Variants in FSTL5 observed in about 807,000 individuals in gnomAD.
The protein encoded by FSTL5 is follistatin-related protein 5.
Under a neutral mutation model 89.1 loss-of-function variants are expected in FSTL5, and 62 were observed. That is an observed-to-expected ratio of 0.70 (90% confidence interval 0.57 to 0.86). The LOEUF is 0.86. Among genes scored for constraint, FSTL5 ranks in the 40% least tolerant of loss-of-function variants. FSTL5 has a pLI of 0.00. For synonymous variants in FSTL5, 383 were observed against 346.2 expected (o/e 1.11, Z -1.18); for missense variants, 1,057 against 1,001.6 (o/e 1.06, Z -0.75).
chr4:161,492,405 G>T (rs1729911875), intron 12 of FSTL5, among the ~76,000 whole-genome samples: 1 of 152,022 alleles, frequency 6.6e-6, no homozygotes, highest in Admixed American at 6.6e-5. Context: ...TTAAAATATA[G>T]CCAGAAACAT....
chr4:161,793,500 T>A (rs1226696222), intron 4 of FSTL5, among the ~76,000 whole-genome samples: 1 of 152,204 alleles, frequency 6.6e-6, no homozygotes, highest in African/African-American at 2.4e-5. Flanking sequence ...ACTGATATCC[T>A]GGGAAAGTCA....
intron 15 of FSTL5, among the ~76,000 whole-genome samples, chr4:161,407,306 G>A (rs1347443388): frequency 2.0e-5 from 3 of 152,166 alleles, no homozygotes; most frequent in African/African-American, 7.2e-5. Flanking sequence ...ATGCATACAG[G>A]AAGTGCTGCT....
intron 5 of FSTL5, among the ~76,000 whole-genome samples, chr4:161,773,603 C>A (rs1462648251): frequency 6.6e-6 from 1 of 152,114 alleles, no homozygotes; most frequent in Non-Finnish European, 1.5e-5. Flanking sequence ...TGCTCAACAT[C>A]ACTAATGGTC....
chr4:161,788,708 A>G (rs1742005300), intron 4 of FSTL5, among the ~76,000 whole-genome samples: 1 of 152,132 alleles, frequency 6.6e-6, no homozygotes, highest in Admixed American at 6.5e-5. Context: ...CAATAATGTG[A>G]GACCCCGCCC....
chr4:161,834,262 T>A (rs572171362), intron 4 of FSTL5, among the ~76,000 whole-genome samples: 1 of 152,258 alleles, frequency 6.6e-6, no homozygotes, highest in Non-Finnish European at 1.5e-5. Flanking sequence ...ACCTTCATGC[T>A]AAAAACTCTC....
intron 4 of FSTL5, among the ~76,000 whole-genome samples, chr4:161,789,468 C>T (rs1383108173): frequency 1.3e-5 from 2 of 152,046 alleles, no homozygotes; most frequent in African/African-American, 4.8e-5. Flanking sequence ...GATGTGCGAA[C>T]GAATTCTGAT....
chr4:162,112,098 G>C (rs1460684001), intron 1 of FSTL5, among the ~76,000 whole-genome samples: 1 of 152,120 alleles, frequency 6.6e-6, no homozygotes, highest in Admixed American at 6.5e-5. Flanking sequence ...TAAATACTAA[G>C]TCCTTTTCAA....
intron 2 of FSTL5, among the ~76,000 whole-genome samples, chr4:162,047,876 G>T (rs150438832): frequency 6.6e-6 from 1 of 151,872 alleles, no homozygotes; most frequent in Non-Finnish European, 1.5e-5. Flanking sequence ...CTATGAGTTC[G>T]CCATATAGTA....
chr4:161,948,796 T>C (rs995990520), intron 3 of FSTL5, among the ~76,000 whole-genome samples: 23 of 151,964 alleles, frequency 1.5e-4, no homozygotes, highest in Non-Finnish European at 3.2e-4. Context: ...ATAATGTATT[T>C]ATTCTTTAAA....
At chr4:161,661,343 C>T (rs902843465) in intron 6 of FSTL5, among the ~76,000 whole-genome samples, 5 of 152,102 alleles carry the variant, frequency 3.3e-5, no homozygotes, top group African/African-American at 1.2e-4. Context: ...TCATGCCTAT[C>T]ATTTCCATTA....
chr4:161,833,807 C>A (rs1730934106), intron 4 of FSTL5, among the ~76,000 whole-genome samples: 1 of 151,924 alleles, frequency 6.6e-6, no homozygotes, highest in East Asian at 2.0e-4. Context: ...CTGAATACAG[C>A]ACACTGATGG....
intron 3 of FSTL5, among the ~76,000 whole-genome samples, chr4:162,016,709 C>A (rs888504567): frequency 2.0e-5 from 3 of 152,086 alleles, no homozygotes; most frequent in African/African-American, 7.2e-5. Flanking sequence ...ATGTTCCTGG[C>A]ATTTTTGAGC....
At position 161,773,538 on chromosome 4, in the gene FSTL5, A is replaced by C. The variant is rs533070796; in HGVS notation, c.606+2340T>G. Among the ~76,000 whole-genome samples the C allele has an allele frequency of 2.6e-5, 4 of 152,328 alleles. No homozygotes were observed. The South Asian group carries it at 8.3e-4, about 32-fold the overall frequency. On this transcript the variant is annotated intron_variant, in intron 5 of 15. Coordinates refer to ENST00000306100, the MANE Select transcript of FSTL5 (RefSeq NM_020116.5). ...TTTTATCAAAAAGTGGGCTAAGGAC[A>C]TTAATAGACAATTCTCAAAAGAAGA...
At position 161,532,742 on chromosome 4, in the gene FSTL5, T is replaced by C. The variant is rs111292474; in HGVS notation, c.1312+5424A>G. ...AAATTGACACCTGACCAATGGGACC[T>C]AATACAAAGCTACAGAATACTCCAC... On this transcript the variant is annotated intron_variant, in intron 10 of 15. Transcript: ENST00000306100. Among the ~76,000 whole-genome samples, 245 of 152,250 alleles carry C rather than the reference T, an allele frequency of 1.6e-3. 1 individual carries two copies. Among genetic ancestry groups the C allele is most frequent in the Admixed American group, 1.9e-3 (29 of 15,288 alleles).
In FSTL5 at chr4:161,386,300, C is replaced by T; in HGVS notation, c.1991G>A (p.Gly664Asp). ...TGCTCCGGTGCTGTCAGGTTTGCAG[C>T]CAATGAAGTAGTAGCCTCCCAAGTG... The part of the protein sequence containing the change: ...YTHLGGYYFI[G>D]CKPDSTGAVS... Residue 664 changes from glycine (G) to aspartate (D), a missense_variant, in exon 16 of 16, where the codon GGC becomes GAC. Coordinates refer to ENST00000306100, the MANE Select transcript of FSTL5 (RefSeq NM_020116.5). 6.2e-7 allele frequency: 1 copy of T among 1,613,892 alleles called. No homozygotes were observed. The highest frequency in any genetic ancestry group is 8.5e-7 in the Non-Finnish European group (1 of 1,179,952).
intron 3 of FSTL5, among the ~76,000 whole-genome samples, chr4:161,999,818 T>C (rs1474933349): frequency 6.6e-6 from 1 of 152,224 alleles, no homozygotes; most frequent in Non-Finnish European, 1.5e-5. Context: ...CCGCCATGCT[T>C]CCTTGGACAA....
intron 3 of FSTL5, among the ~76,000 whole-genome samples, chr4:161,943,355 T>C (rs935830074): frequency 9.2e-5 from 14 of 151,702 alleles, no homozygotes; most frequent in Non-Finnish European, 1.6e-4. Flanking sequence ...AGTTTTAAGA[T>C]GTTCTGGCTA....
intron 6 of FSTL5, among the ~76,000 whole-genome samples, chr4:161,713,743 T>G (rs1171256378): frequency 6.6e-6 from 1 of 152,186 alleles, no homozygotes; most frequent in Non-Finnish European, 1.5e-5. Context: ...AATTAATTTT[T>G]TTCTTAACAT....
intron 5 of FSTL5, among the ~76,000 whole-genome samples, chr4:161,764,297 T>G (rs1296713453): frequency 2.6e-5 from 4 of 152,170 alleles, no homozygotes; most frequent in Non-Finnish European, 5.9e-5. Flanking sequence ...TCACTCTTGT[T>G]GTCCAGGCTG....
Sources: allele counts gnomAD v4.1 joint callset (sites outside exome capture counted in the v4.1 genomes callset), GRCh38; gene constraint gnomAD v4.1.1; transcripts MANE v1.5; gene names NCBI Gene and HGNC (gene_info 2026-07-23, HGNC 2026-07-21).